FAAH2: variants seen among roughly 807,000 people sequenced by gnomAD.
The protein encoded by FAAH2 is fatty acid amide hydrolase 2.
Under a neutral mutation model 36.9 loss-of-function variants are expected in FAAH2, and 60 were observed. The observed-to-expected ratio is 1.63, with a 90% CI of 1.32 to 2.02. The LOEUF (loss-of-function observed/expected upper bound fraction) is 2.02. FAAH2 is among the 30% of genes most tolerant of loss of function. The pLI is 0.00. For missense variants in FAAH2, 689 were observed against 397.5 expected (o/e 1.73, Z -6.23); for synonymous variants, 214 against 143.8 (o/e 1.49, Z -3.49).
At chrX:57,448,067 G>A (rs138767481) in intron 9 of FAAH2, among the ~76,000 whole-genome samples, 280 of 111,564 alleles carry the variant, frequency 2.5e-3, no homozygotes, top group African/African-American at 8.7e-3. Context: ...ATGACTCACT[G>A]CAGCATTGAC....
the FAAH2 span, among the ~76,000 whole-genome samples, chrX:57,175,952 T>A: frequency 8.9e-6 from 1 of 112,364 alleles, no homozygotes; most frequent in Non-Finnish European, 1.9e-5. Flanking sequence ...TTTAGACTGA[T>A]AAGTTTTTCT....
intron 3 of FAAH2, among the ~76,000 whole-genome samples, chrX:57,320,031 G>T (rs1394665271): frequency 1.8e-5 from 2 of 111,772 alleles, no homozygotes; most frequent in Non-Finnish European, 3.8e-5. Flanking sequence ...ATGGATTAAA[G>T]ACTTAAACTT....
chrX:57,441,045 A>T (rs897436022), intron 8 of FAAH2, among the ~76,000 whole-genome samples: 3 of 111,294 alleles, frequency 2.7e-5, no homozygotes, highest in African/African-American at 9.8e-5. Flanking sequence ...TTCATTAGAG[A>T]TACTGGTCTA....
At chrX:57,475,638 C>A (rs2057252903) in intron 10 of FAAH2, among the ~76,000 whole-genome samples, 1 of 111,745 alleles carries the variant, frequency 8.9e-6, no homozygotes, top group Non-Finnish European at 1.9e-5. Flanking sequence ...ATTCCTCCAG[C>A]TTTGTTCTTT....
the FAAH2 span, among the ~76,000 whole-genome samples, chrX:57,167,176 G>T: frequency 9.0e-6 from 1 of 111,307 alleles, no homozygotes; most frequent in Non-Finnish European, 1.9e-5. Flanking sequence ...TAACTATGAA[G>T]AAAAGGTTAG....
At chrX:57,474,779 G>A (rs2057234589) in intron 10 of FAAH2, among the ~76,000 whole-genome samples, 1 of 111,999 alleles carries the variant, frequency 8.9e-6, no homozygotes, top group African/African-American at 3.2e-5. Context: ...TTGAGGAATT[G>A]CCACATTGTC....
At chrX:57,409,852 T>C (rs1273055869) in intron 7 of FAAH2, among the ~76,000 whole-genome samples, 1 of 111,072 alleles carries the variant, frequency 9.0e-6, no homozygotes, top group Non-Finnish European at 1.9e-5. Context: ...TTAAAAAAAA[T>C]CTTAGTTTTT....
At chrX:57,265,030 CCT>C in the FAAH2 span, among the ~76,000 whole-genome samples, 1 of 111,639 alleles carries the variant, frequency 9.0e-6, no homozygotes, top group African/African-American at 3.3e-5. Context: ...GCCAAGGGAA[CCT>C]CTCTCACCCA....
the FAAH2 span, among the ~76,000 whole-genome samples, chrX:57,279,457 T>C: frequency 9.0e-6 from 1 of 111,521 alleles, no homozygotes; most frequent in East Asian, 2.8e-4. Flanking sequence ...TGTTGGGGAC[T>C]GGGGGACTAG....
intron 2 of FAAH2, among the ~76,000 whole-genome samples, chrX:57,299,991 T>C (rs1320519856): frequency 9.0e-6 from 1 of 111,726 alleles, no homozygotes; most frequent in Non-Finnish European, 1.9e-5. Flanking sequence ...TCCATGCTCA[T>C]GGGTAGGAAG....
intron 7 of FAAH2, among the ~76,000 whole-genome samples, chrX:57,416,582 T>G (rs2055849647): frequency 8.9e-6 from 1 of 112,269 alleles, no homozygotes; most frequent in South Asian, 3.7e-4. Context: ...CTTGCAGGGT[T>G]TCTGCAGAGT....
chrX:57,220,926 CAG>C, the FAAH2 span, among the ~76,000 whole-genome samples: 1 of 112,148 alleles, frequency 8.9e-6, no homozygotes, highest in Non-Finnish European at 1.9e-5. Flanking sequence ...TGCCCTGGAA[CAG>C]ACACCCTGGC....
chrX:57,425,810 A>G (rs1200247953), intron 7 of FAAH2, among the ~76,000 whole-genome samples: 1 of 111,378 alleles, frequency 9.0e-6, no homozygotes, highest in African/African-American at 3.3e-5. Context: ...ACTAGATAAC[A>G]ATTAAGATTA....
At chrX:57,340,122 G>A (rs778882943) in intron 4 of FAAH2, among the ~76,000 whole-genome samples, 19 of 111,826 alleles carry the variant, frequency 1.7e-4, no homozygotes, top group East Asian at 2.8e-4. Flanking sequence ...AAGAGCCCCC[G>A]GCAAACCACT....
Position 57,448,667 on chromosome X carries a change from G to T in FAAH2, c.1372G>T (p.Ala458Ser), listed in dbSNP as rs147173444. Residue 458 changes from alanine to serine, a missense_variant, in exon 10 of 11, where the codon GCA becomes TCA. Ala to Ser is a moderately conservative substitution (Grantham distance 99). Transcript: ENST00000374900. ...CTTATATCCCTCACATCCCACAGTGGCACCTAAGCATCATGTCCCTCTAAC... is the reference window on the plus strand; with the variant it reads ...CTTATATCCCTCACATCCCACAGTGTCACCTAAGCATCATGTCCCTCTAAC... ...VFLYPSHPTV[A>S]PKHHVPLTRP... is the part of the protein sequence containing the mutation. 2.7e-4 allele frequency: 328 copies of T among 1,209,408 alleles called. 2 individuals are homozygous for T. Among genetic ancestry groups the T allele is most frequent in the Non-Finnish European group, 2.9e-4 (261 of 894,982 alleles).
chrX:57,243,706 T>C, the FAAH2 span, among the ~76,000 whole-genome samples: 1 of 110,753 alleles, frequency 9.0e-6, no homozygotes, highest in East Asian at 2.9e-4. Context: ...AATATCAACA[T>C]CAACAAAAAC....
At chrX:57,190,488 A>C in the FAAH2 span, among the ~76,000 whole-genome samples, 1 of 108,469 alleles carries the variant, frequency 9.2e-6, no homozygotes, top group Admixed American at 9.9e-5. Flanking sequence ...TTGGTGTCTG[A>C]CCAAACAGCC....
At chrX:57,229,267 G>T in the FAAH2 span, 4 of 111,865 alleles carry the variant, frequency 3.6e-5, no homozygotes, top group African/African-American at 1.3e-4. Context: ...TCCTCAGAGA[G>T]TGAAAAAGAG....
chrX:57,301,429 A>G (rs1323619050), intron 2 of FAAH2, among the ~76,000 whole-genome samples: 1 of 83,424 alleles, frequency 1.2e-5, no homozygotes, highest in African/African-American at 4.7e-5. Context: ...ACATGGACAC[A>G]GGAAGGGGAA....
Sources: allele counts gnomAD v4.1 joint callset (sites outside exome capture counted in the v4.1 genomes callset), GRCh38; gene constraint gnomAD v4.1.1; transcripts MANE v1.5; gene names NCBI Gene and HGNC (gene_info 2026-07-23, HGNC 2026-07-21).